Variants in FSHR observed in about 807,000 individuals in gnomAD.
FSHR encodes the protein follicle stimulating hormone receptor.
Under a neutral mutation model 52.1 loss-of-function variants are expected in FSHR, and 46 were observed. The observed-to-expected ratio is 0.88, with a 90% CI of 0.70 to 1.13. FSHR has a LOEUF of 1.13. Among genes scored for constraint, FSHR ranks in the 50% most tolerant of loss-of-function variants. The pLI, the probability that FSHR is intolerant of heterozygous loss-of-function variation, is 0.00. For missense variants in FSHR, 964 were observed against 834.6 expected, an observed-to-expected ratio of 1.16 and a Z score of -1.91; for synonymous variants, 399 against 309.6, an observed-to-expected ratio of 1.29 and a Z score of -3.03.
intron 2 of FSHR, among the ~76,000 whole-genome samples, chr2:49,054,750 G>A (rs1430041584): frequency 6.6e-6 from 1 of 152,190 alleles, no homozygotes; most frequent in Admixed American, 6.5e-5. Context: ...AGCTTAGGCT[G>A]CTGAGACACT....
At chr2:49,012,379 C>T (rs1667308085) in intron 4 of FSHR, among the ~76,000 whole-genome samples, 1 of 152,114 alleles carries the variant, frequency 6.6e-6, no homozygotes, top group Non-Finnish European at 1.5e-5. Flanking sequence ...GATGCATATT[C>T]TTCAAGTTAA....
At chr2:49,078,859 G>A (rs1230007422) in intron 1 of FSHR, among the ~76,000 whole-genome samples, 1 of 151,882 alleles carries the variant, frequency 6.6e-6, no homozygotes, top group Non-Finnish European at 1.5e-5. Context: ...TGGATACCCT[G>A]GCCTACACAA....
At chr2:49,054,068 A>G (rs959286981) in intron 2 of FSHR, among the ~76,000 whole-genome samples, 1 of 152,214 alleles carries the variant, frequency 6.6e-6, no homozygotes, top group African/African-American at 2.4e-5. Context: ...AGTGAGGTAC[A>G]TTCTGCAATA....
At chr2:49,153,247 A>G in intron 1 of FSHR, among the ~76,000 whole-genome samples, 1 of 152,234 alleles carries the variant, frequency 6.6e-6, no homozygotes, top group East Asian at 1.9e-4. Flanking sequence ...AATCATCCAC[A>G]GCTTTAAGTG....
At chr2:49,120,312 T>A (rs1671765725) in intron 1 of FSHR, among the ~76,000 whole-genome samples, 2 of 152,148 alleles carry the variant, frequency 1.3e-5, no homozygotes, top group African/African-American at 4.8e-5. Flanking sequence ...TGCAACCTTA[T>A]GCTTTAGGTA....
At chr2:49,013,491 TATATATATAAATATATATATATATAA>T (rs1667361699) in intron 4 of FSHR, among the ~76,000 whole-genome samples, 1 of 74,084 alleles carries the variant, frequency 1.3e-5, no homozygotes, top group African/African-American at 3.5e-5. Flanking sequence ...AATAAATATA[TATATATATAAATATATATATATATAA>T]ATATATATAA....
At chr2:49,037,493 T>C (rs1668308639) in intron 2 of FSHR, among the ~76,000 whole-genome samples, 1 of 152,206 alleles carries the variant, frequency 6.6e-6, no homozygotes, top group South Asian at 2.1e-4. Context: ...TGAGGATTTT[T>C]AAGAAGCTGC....
At chr2:49,012,989 G>T (rs1289986992) in intron 4 of FSHR, among the ~76,000 whole-genome samples, 1 of 152,072 alleles carries the variant, frequency 6.6e-6, no homozygotes, top group East Asian at 1.9e-4. Flanking sequence ...GGTCATAAGT[G>T]TAGGGCCCTA....
In FSHR at chr2:49,153,792, C is replaced by T. The variant is rs751710572; in HGVS notation, c.152+474G>A. On this transcript the variant is annotated intron_variant, in intron 1 of 9. Transcript: ENST00000406846. ...TACACCCAAAAGCAGAATCTCAGTTCAGGAATTATTTGCTGCTGCCTTCAA... is the reference window on the plus strand; with the variant it reads ...TACACCCAAAAGCAGAATCTCAGTTTAGGAATTATTTGCTGCTGCCTTCAA... Among the ~76,000 whole-genome samples the T allele has an allele frequency of 2.0e-5, 3 of 152,076 alleles. No homozygotes were observed. The East Asian group carries it at 5.8e-4, about 29-fold the overall frequency.
intron 5 of FSHR, among the ~76,000 whole-genome samples, chr2:48,990,316 T>C (rs1399191669): frequency 6.6e-6 from 1 of 152,178 alleles, no homozygotes; most frequent in African/African-American, 2.4e-5. Flanking sequence ...TGAGCCACTT[T>C]TTGATTTTGC....
At chr2:49,091,307 TA>T (rs1039443715) in intron 1 of FSHR, among the ~76,000 whole-genome samples, 11 of 151,868 alleles carry the variant, frequency 7.2e-5, no homozygotes, top group South Asian at 4.2e-4. Context: ...TTTAGAACAT[TA>T]AAAAAAAATT....
intron 1 of FSHR, among the ~76,000 whole-genome samples, chr2:49,094,142 A>C (rs1234497695): frequency 6.6e-6 from 1 of 152,124 alleles, no homozygotes. Context: ...ACATATCTTC[A>C]AATAAATTTT....
At chr2:49,033,720 T>C (rs372500776) in intron 2 of FSHR, among the ~76,000 whole-genome samples, 2 of 152,024 alleles carry the variant, frequency 1.3e-5, no homozygotes, top group East Asian at 1.9e-4. Context: ...TAGTCTCTGC[T>C]GTAAGAAAAA....
chr2:49,103,192 A>G (rs1471251887), intron 1 of FSHR, among the ~76,000 whole-genome samples: 1 of 152,104 alleles, frequency 6.6e-6, no homozygotes, highest in African/African-American at 2.4e-5. Context: ...GAAACGTCCT[A>G]GGTTTGGACA....
chr2:48,996,506 G>T (rs916507766), intron 4 of FSHR, among the ~76,000 whole-genome samples: 3 of 151,980 alleles, frequency 2.0e-5, no homozygotes, highest in African/African-American at 7.2e-5. Context: ...AATATTTCTT[G>T]TTGATTCATT....
At chr2:49,081,343 T>G (rs999569289) in intron 1 of FSHR, among the ~76,000 whole-genome samples, 1 of 152,068 alleles carries the variant, frequency 6.6e-6, no homozygotes, top group Non-Finnish European at 1.5e-5. Flanking sequence ...TAAAGTATCT[T>G]ATATTAAAAA....
intron 2 of FSHR, among the ~76,000 whole-genome samples, chr2:49,061,966 G>A (rs1669329175): frequency 6.6e-6 from 1 of 150,906 alleles, no homozygotes; most frequent in Admixed American, 6.7e-5. Context: ...AATAGTTGGG[G>A]ACTTCAATGC....
At chr2:49,114,426 A>T (rs1671529578) in intron 1 of FSHR, among the ~76,000 whole-genome samples, 1 of 152,180 alleles carries the variant, frequency 6.6e-6, no homozygotes, top group African/African-American at 2.4e-5. Context: ...TATAAACCAC[A>T]GTCTTGGCCA....
At chr2:48,979,081 T>A (rs955736941) in intron 8 of FSHR, among the ~76,000 whole-genome samples, 1 of 152,130 alleles carries the variant, frequency 6.6e-6, no homozygotes, top group Non-Finnish European at 1.5e-5. Flanking sequence ...ACAAGCAGCA[T>A]CAGTTTCACT....
Sources: gnomAD v4.1 joint callset for allele counts (sites outside exome capture counted in the v4.1 genomes callset) on GRCh38, gnomAD v4.1.1 for gene constraint, MANE v1.5 for transcripts, NCBI Gene and HGNC (gene_info 2026-07-23, HGNC 2026-07-21) for gene names.